Variants in TRPC7 observed in about 807,000 individuals in gnomAD.
The protein encoded by TRPC7 is transient receptor potential cation channel subfamily C member 7, also known as short transient receptor potential channel 7.
In TRPC7, 42 loss-of-function variants were observed where a neutral mutation model predicts 90.1. The ratio of observed to expected loss-of-function variants is 0.47; its 90% CI spans 0.36 to 0.60. The LOEUF is 0.60. TRPC7 is among the 20% of genes least tolerant of loss of function. TRPC7 has a pLI of 0.00. For missense variants in TRPC7, 955 were observed against 1,112.3 expected, an observed-to-expected ratio of 0.86 and a Z score of 2.01; for synonymous variants, 451 against 436.3, an observed-to-expected ratio of 1.03 and a Z score of -0.42.
intron 3 of TRPC7, among the ~76,000 whole-genome samples, chr5:136,311,752 A>G (rs1375127770): frequency 6.6e-6 from 1 of 152,184 alleles, no homozygotes; most frequent in Non-Finnish European, 1.5e-5. Flanking sequence ...GTGTGACTCA[A>G]TATGGGGAAG....
intron 2 of TRPC7, among the ~76,000 whole-genome samples, chr5:136,354,321 T>A (rs959830011): frequency 1.3e-5 from 2 of 152,220 alleles, no homozygotes; most frequent in Non-Finnish European, 2.9e-5. Context: ...TACCTCTACA[T>A]CCACTAAGTT....
intron 2 of TRPC7, among the ~76,000 whole-genome samples, chr5:136,354,798 G>C (rs1760309848): frequency 6.6e-6 from 1 of 152,220 alleles, no homozygotes; most frequent in African/African-American, 2.4e-5. Context: ...CAGGAAGCCT[G>C]TATTTGAGTC....
At chr5:136,266,128 TGAAGA>T in intron 5 of TRPC7, 87 bp downstream of exon 5, 1 of 1,186,942 alleles carries the variant, frequency 8.4e-7, no homozygotes. Flanking sequence ...AGGAGTACAC[TGAAGA>T]GGAGAGGGAG....
Position 136,256,773 on chromosome 5 carries a change from A to G in TRPC7, c.1346-4891T>C, listed in dbSNP as rs1756699215. Among the ~76,000 whole-genome samples the G allele has an allele frequency of 2.6e-5, 4 of 152,346 alleles. No individual in the cohort carries two copies. In the South Asian group the frequency reaches 8.3e-4, roughly 32 times the overall value. ...GTCTAGACTCCAAAGCTAGGCTGTC[A>G]TTCCTATGATATTCCACAGTTTTTA... On this transcript the variant is annotated intron_variant, in intron 5 of 11. Coordinates refer to ENST00000513104, the MANE Select transcript of TRPC7 (RefSeq NM_020389.3).
chr5:136,273,521 C>A (rs1480255882), intron 4 of TRPC7, among the ~76,000 whole-genome samples: 1 of 152,096 alleles, frequency 6.6e-6, no homozygotes, highest in Non-Finnish European at 1.5e-5. Context: ...TCTCTGTGAC[C>A]CTGTACCTAC....
At chr5:136,275,863 G>A (rs531265116) in intron 3 of TRPC7, among the ~76,000 whole-genome samples, 20 of 152,268 alleles carry the variant, frequency 1.3e-4, no homozygotes, top group Admixed American at 4.6e-4. Flanking sequence ...CCACTTTATG[G>A]ACTAAGTAGC....
At chr5:136,344,852 A>G (rs950716) in intron 2 of TRPC7, among the ~76,000 whole-genome samples, 13,175 of 152,270 alleles carry the variant, frequency 0.087, 726 homozygotes, top group Non-Finnish European at 0.13. Context: ...CTGTAGGTGC[A>G]GGAAATAGAG....
At chr5:136,215,307 G>A (rs949054576) in intron 11 of TRPC7, among the ~76,000 whole-genome samples, 8 of 152,136 alleles carry the variant, frequency 5.3e-5, no homozygotes, top group African/African-American at 1.9e-4. Context: ...CATGAGGTTG[G>A]CTCAAGGCTG....
At chr5:136,275,563 GCTTCCTTCTGGGACATCACA>G (rs141043399) in intron 3 of TRPC7, among the ~76,000 whole-genome samples, 2,588 of 152,180 alleles carry the variant, frequency 0.017, 67 homozygotes, top group African/African-American at 0.059. Context: ...CCACGGAGTA[GCTTCCTTCTGGGACATCACA>G]CACCCTTCTT....
intron 8 of TRPC7, among the ~76,000 whole-genome samples, chr5:136,228,514 C>T (rs996134836): frequency 4.7e-5 from 7 of 147,922 alleles, no homozygotes; most frequent in African/African-American, 7.5e-5. Flanking sequence ...GGGGTGAAGA[C>T]GCAAGCAGGC....
chr5:136,246,305 A>G (rs2149803440), intron 7 of TRPC7, among the ~76,000 whole-genome samples: 1 of 152,322 alleles, frequency 6.6e-6, no homozygotes, highest in Non-Finnish European at 1.5e-5. Flanking sequence ...CCAGCCAGGC[A>G]TGGAGAGCAG....
intron 8 of TRPC7, among the ~76,000 whole-genome samples, chr5:136,229,068 C>T (rs1561679683): frequency 6.6e-6 from 1 of 152,192 alleles, no homozygotes; most frequent in Non-Finnish European, 1.5e-5. Context: ...TGCAGCTTTT[C>T]CAGGCACCAT....
intron 7 of TRPC7, among the ~76,000 whole-genome samples, chr5:136,235,219 G>C (rs1339366329): frequency 2.0e-5 from 3 of 152,112 alleles, no homozygotes; most frequent in African/African-American, 4.8e-5. Flanking sequence ...TTACACTAAG[G>C]GCTGATAAAT....
intron 10 of TRPC7, among the ~76,000 whole-genome samples, chr5:136,223,417 C>T (rs958069344): frequency 2.6e-5 from 4 of 151,952 alleles, no homozygotes; most frequent in African/African-American, 9.7e-5. Flanking sequence ...AGTTTGAGAC[C>T]AGCCTGACCA....
chr5:136,301,563 T>G (rs555355716), intron 3 of TRPC7, among the ~76,000 whole-genome samples: 1 of 152,216 alleles, frequency 6.6e-6, no homozygotes, highest in African/African-American at 2.4e-5. Flanking sequence ...CCCCCACCCT[T>G]AAGAAGGTAC....
At chr5:136,362,173 C>T (rs1760588312) in intron 1 of TRPC7, among the ~76,000 whole-genome samples, 1 of 152,080 alleles carries the variant, frequency 6.6e-6, no homozygotes, top group South Asian at 2.1e-4. Flanking sequence ...AAGTGCTTTA[C>T]ATAAATTACT....
intron 5 of TRPC7, among the ~76,000 whole-genome samples, chr5:136,258,323 A>G (rs1215210790): frequency 6.6e-6 from 1 of 152,218 alleles, no homozygotes; most frequent in Non-Finnish European, 1.5e-5. Context: ...GTGTGAAATT[A>G]AGTATTTTAG....
chr5:136,260,535 G>T (rs896458660), intron 5 of TRPC7, among the ~76,000 whole-genome samples: 2 of 152,152 alleles, frequency 1.3e-5, no homozygotes, highest in Admixed American at 1.3e-4. Flanking sequence ...GCAGTGCAAG[G>T]CAGAGAGCCT....
chr5:136,301,182 A>G (rs1758369234), intron 3 of TRPC7, among the ~76,000 whole-genome samples: 1 of 151,922 alleles, frequency 6.6e-6, no homozygotes, highest in African/African-American at 2.4e-5. Flanking sequence ...ACACACCACC[A>G]TGCCCAGCTA....
Sources: gnomAD v4.1 joint callset for allele counts (sites outside exome capture counted in the v4.1 genomes callset) on GRCh38, gnomAD v4.1.1 for gene constraint, MANE v1.5 for transcripts, NCBI Gene and HGNC (gene_info 2026-07-23, HGNC 2026-07-21) for gene names.